Variants in KCNG3 observed in about 807,000 individuals in gnomAD.
KCNG3 encodes the protein voltage-gated potassium channel regulatory subunit KCNG3.
Under a neutral mutation model 29.0 loss-of-function variants are expected in KCNG3, and 15 were observed. The observed-to-expected ratio is 0.52, with a 90% CI of 0.35 to 0.80. The LOEUF (loss-of-function observed/expected upper bound fraction) is 0.80. Among genes scored for constraint, KCNG3 ranks in the 30% least tolerant of loss-of-function variants. The pLI is 0.01. For synonymous variants in KCNG3, 322 were observed against 248.9 expected (o/e 1.29, Z -2.76); for missense variants, 512 against 605.7 (o/e 0.85, Z 1.62).
chr2:42,464,235 C>T (rs532642924), intron 1 of KCNG3, among the ~76,000 whole-genome samples: 9 of 152,278 alleles, frequency 5.9e-5, no homozygotes, highest in Middle Eastern at 3.4e-3. Flanking sequence ...GATACTTCTA[C>T]GCACACAAAG....
the KCNG3 span, chr2:42,388,493 AAAC>A: frequency 6.6e-6 from 1 of 152,238 alleles, no homozygotes; most frequent in Non-Finnish European, 1.5e-5. Context: ...CTGGTGGCTT[AAAC>A]AACAGGAATG....
the KCNG3 span, among the ~76,000 whole-genome samples, chr2:42,412,031 C>A: frequency 6.6e-6 from 1 of 152,206 alleles, no homozygotes; most frequent in Non-Finnish European, 1.5e-5. Flanking sequence ...AGCCCCTTGT[C>A]CTCCTGCTGT....
the KCNG3 span, among the ~76,000 whole-genome samples, chr2:42,423,804 G>GAA: frequency 5.8e-3 from 707 of 120,930 alleles, 9 homozygotes; most frequent in African/African-American, 0.019. Context: ...GAGGTGAAAG[G>GAA]AAAAAAAAAA....
the KCNG3 span, among the ~76,000 whole-genome samples, chr2:42,411,791 T>C: frequency 1.3e-5 from 2 of 152,304 alleles, no homozygotes; most frequent in East Asian, 3.9e-4. Flanking sequence ...CCAGGTCTCA[T>C]ACATTTTTCA....
chr2:42,398,512 TA>T, the KCNG3 span, among the ~76,000 whole-genome samples: 10 of 152,284 alleles, frequency 6.6e-5, no homozygotes, highest in Non-Finnish European at 1.0e-4. Context: ...ATGGCTTTGA[TA>T]AGCATTGTAA....
the KCNG3 span, among the ~76,000 whole-genome samples, chr2:42,434,061 C>A: frequency 2.0e-5 from 3 of 152,110 alleles, no homozygotes; most frequent in African/African-American, 7.2e-5. Context: ...TAAGATGCTA[C>A]CCCCTAATTT....
At chr2:42,409,463 G>A in the KCNG3 span, among the ~76,000 whole-genome samples, 1 of 151,790 alleles carries the variant, frequency 6.6e-6, no homozygotes, top group Admixed American at 6.6e-5. Flanking sequence ...CAGCACTTTG[G>A]GAGGCTGAGG....
At chr2:42,490,190 G>A (rs995199931) in intron 1 of KCNG3, among the ~76,000 whole-genome samples, 3 of 152,172 alleles carry the variant, frequency 2.0e-5, no homozygotes, top group African/African-American at 7.2e-5. Flanking sequence ...TCTTGCCCAC[G>A]ATGTTCCTTT....
At chr2:42,423,625 C>T in the KCNG3 span, among the ~76,000 whole-genome samples, 1 of 152,146 alleles carries the variant, frequency 6.6e-6, no homozygotes, top group South Asian at 2.1e-4. Context: ...GGAAGCCTTC[C>T]TTGACTCCTG....
the KCNG3 span, among the ~76,000 whole-genome samples, chr2:42,399,197 T>TAGGCATATGTCACCAC: frequency 1.8e-4 from 28 of 151,738 alleles, no homozygotes; most frequent in Middle Eastern, 3.4e-3. Flanking sequence ...GCTGGGACCA[T>TAGGCATATGTCACCAC]AGGCATATGT....
chr2:42,440,677 A>C (rs2103654527), downstream of KCNG3, among the ~76,000 whole-genome samples: 1 of 152,332 alleles, frequency 6.6e-6, no homozygotes, highest in Admixed American at 6.5e-5. Context: ...TTCAGAAAGT[A>C]TGAACTTACA....
chr2:42,436,570 CCACT>C, the KCNG3 span, among the ~76,000 whole-genome samples: 3 of 152,194 alleles, frequency 2.0e-5, no homozygotes, highest in Admixed American at 6.5e-5. Flanking sequence ...CCTTCTCTGG[CCACT>C]CAATTGCCTC....
At chr2:42,409,319 G>C in the KCNG3 span, among the ~76,000 whole-genome samples, 3 of 152,078 alleles carry the variant, frequency 2.0e-5, no homozygotes, top group Non-Finnish European at 4.4e-5. Flanking sequence ...GCCTCCCTCT[G>C]TGCTGGAAAT....
the KCNG3 span, among the ~76,000 whole-genome samples, chr2:42,431,338 A>G: frequency 6.8e-3 from 1,038 of 152,104 alleles, 14 homozygotes; most frequent in African/African-American, 0.024. Context: ...CATTTTAAAT[A>G]AATATGTAAC....
the KCNG3 span, among the ~76,000 whole-genome samples, chr2:42,435,883 T>C: frequency 6.6e-6 from 1 of 152,344 alleles, no homozygotes; most frequent in East Asian, 1.9e-4. Flanking sequence ...ATTCCATTCC[T>C]AGGTTTATAT....
chr2:42,452,780 T>C (rs1036439706), intron 1 of KCNG3, among the ~76,000 whole-genome samples: 6 of 151,262 alleles, frequency 4.0e-5, no homozygotes, highest in East Asian at 1.9e-4. Flanking sequence ...GGTGTGTGTG[T>C]GTGTGTGTGT....
At chr2:42,452,243 A>ATATATATATATATATATATTT in intron 1 of KCNG3, among the ~76,000 whole-genome samples, 168 of 94,998 alleles carry the variant, frequency 1.8e-3, no homozygotes, top group East Asian at 0.01. Context: ...ATATATATAT[A>ATATATATATATATATATATTT]TTTTTTTTTT....
the KCNG3 span, chr2:42,415,519 T>C: frequency 6.6e-6 from 1 of 152,114 alleles, no homozygotes; most frequent in African/African-American, 2.4e-5. Flanking sequence ...GATTCTAAAA[T>C]GAAGAGGATG....
At chr2:42,438,087 A>C (rs1672405364), downstream of KCNG3, among the ~76,000 whole-genome samples, 1 of 152,208 alleles carries the variant, frequency 6.6e-6, no homozygotes, top group Non-Finnish European at 1.5e-5. Context: ...GTAGAGAAAG[A>C]AAGCATGGAA....
Sources: gnomAD v4.1 joint callset for allele counts (sites outside exome capture counted in the v4.1 genomes callset) on GRCh38, gnomAD v4.1.1 for gene constraint, MANE v1.5 for transcripts, NCBI Gene and HGNC (gene_info 2026-07-23, HGNC 2026-07-21) for gene names.